Variants in DNMBP observed in about 807,000 individuals in gnomAD.
DNMBP encodes the protein dynamin-binding protein.
A neutral mutation model predicts 150.0 loss-of-function variants in DNMBP; 87 were observed. The observed-to-expected ratio is 0.58, with a 90% confidence interval of 0.49 to 0.69. The LOEUF is 0.69. DNMBP is among the 30% of genes least tolerant of loss of function. The pLI is 0.00. For missense variants in DNMBP, 1,774 were observed against 1,949.0 expected, an observed-to-expected ratio of 0.91 and a Z score of 1.69; for synonymous variants, 711 against 750.4, an observed-to-expected ratio of 0.95 and a Z score of 0.86.
At chr10:99,930,538 G>A in intron 4 of DNMBP, 1 of 702,924 alleles carries the variant, frequency 1.4e-6, no homozygotes, top group Non-Finnish European at 2.6e-6. Context: ...ATATAGCTTG[G>A]TTCACTCTGT....
rs768357209 is a variant in DNMBP, at chr10:99,913,954, T to C, written c.2261-4808A>G. ...TGGCTCCCACACCCCAGGACCTACC[T>C]GCAGTGCCCAGAGCTGGCTGTGTGT... On this transcript the variant is annotated intron_variant, in intron 4 of 16. Transcript: ENST00000324109. The C allele has an allele frequency of 1.2e-4, 162 of 1,391,984 alleles. 1 individual carries two copies. Among genetic ancestry groups the C allele is most frequent in the Non-Finnish European group, 1.5e-4 (156 of 1,064,666 alleles). 86.2% of individuals were successfully genotyped at this position (1,391,984 alleles called of 1,614,324 possible).
intron 4 of DNMBP, among the ~76,000 whole-genome samples, chr10:99,935,573 G>GTTGT (rs1349010325): frequency 6.6e-6 from 1 of 152,006 alleles, no homozygotes; most frequent in Non-Finnish European, 1.5e-5. Flanking sequence ...TTTTGTTGTT[G>GTTGT]TTGTTGTTGA....
At chr10:100,004,672 T>C (rs545983125) in intron 1 of DNMBP, among the ~76,000 whole-genome samples, 1 of 152,296 alleles carries the variant, frequency 6.6e-6, no homozygotes, top group East Asian at 1.9e-4. Flanking sequence ...GTCACAGACA[T>C]GACCTAGGGT....
chr10:99,904,987 G>A (rs549400434), intron 6 of DNMBP, among the ~76,000 whole-genome samples: 1 of 152,132 alleles, frequency 6.6e-6, no homozygotes, highest in East Asian at 1.9e-4. Context: ...AACGACAACA[G>A]GTAATAAACT....
intron 1 of DNMBP, among the ~76,000 whole-genome samples, chr10:99,985,466 C>T (rs2040819179): frequency 6.6e-6 from 1 of 152,056 alleles, no homozygotes. Flanking sequence ...CTCGCTCAGC[C>T]ACCCAGGGGA....
At chr10:99,997,165 A>G (rs1363187173) in intron 1 of DNMBP, among the ~76,000 whole-genome samples, 1 of 152,230 alleles carries the variant, frequency 6.6e-6, no homozygotes, top group Non-Finnish European at 1.5e-5. Context: ...TCTAAACTGT[A>G]AGACAATAAT....
chr10:99,944,453 A>G (rs1218920405), intron 4 of DNMBP, among the ~76,000 whole-genome samples: 1 of 152,196 alleles, frequency 6.6e-6, no homozygotes, highest in Non-Finnish European at 1.5e-5. Flanking sequence ...AAAGTCTGAG[A>G]ACTACCTCTT....
intron 8 of DNMBP, 38 bp from the exon 9 acceptor site, chr10:99,898,323 A>G (rs898441438): frequency 6.5e-6 from 10 of 1,541,812 alleles, no homozygotes; most frequent in Middle Eastern, 1.7e-4. Flanking sequence ...TAAGCTATCA[A>G]TAATATAGCG....
At chr10:99,998,579 C>CA (rs71009799) in intron 1 of DNMBP, among the ~76,000 whole-genome samples, 38,933 of 92,852 alleles carry the variant, frequency 0.42, 6,923 homozygotes, top group African/African-American at 0.45. Context: ...GACTCCGTCT[C>CA]AAAAAAAAAA....
At chr10:99,929,643 C>A (rs889767786) in intron 4 of DNMBP, 11 of 692,134 alleles carry the variant, frequency 1.6e-5, no homozygotes, top group Non-Finnish European at 2.6e-5. Flanking sequence ...GAACTCTGAG[C>A]GCCTCAGGGT....
intron 1 of DNMBP, among the ~76,000 whole-genome samples, chr10:100,006,559 T>C (rs2041073239): frequency 6.6e-6 from 1 of 152,272 alleles, no homozygotes; most frequent in African/African-American, 2.4e-5. Context: ...TAAGTCATCA[T>C]CAACTTCACT....
chr10:99,916,983 A>G (rs2039971188), intron 4 of DNMBP, among the ~76,000 whole-genome samples: 1 of 152,102 alleles, frequency 6.6e-6, no homozygotes, highest in African/African-American at 2.4e-5. Flanking sequence ...CCTTGGTGAC[A>G]GAGTGAGACT....
At position 100,009,649 on chromosome 10, in the gene DNMBP, C is replaced by T. The variant is rs539847797; in HGVS notation, c.-11+189G>A. 2.0e-5 allele frequency among the ~76,000 whole-genome samples: 3 copies of T among 152,014 alleles called. No individual in the cohort carries two copies. In the East Asian group the frequency reaches 5.9e-4, roughly 30 times the overall value. ...AGGGGGCCCGCTGCGCCCCACTGTC[C>T]CTCGCGGGCTCCTGGCCCACAGAGC... On this transcript the variant is annotated intron_variant, in intron 1 of 16. Coordinates refer to ENST00000324109, the MANE Select transcript of DNMBP (RefSeq NM_015221.4).
Position 99,955,825 on chromosome 10 carries a change from G to T in DNMBP, c.1649C>A (p.Ser550Ter). The change falls in exon 4 of 17, where the codon TCG becomes TAG. Residue 550 changes from serine (S) to a stop codon, truncating the protein, a stop_gained. Coordinates refer to ENST00000324109, the MANE Select transcript of DNMBP (RefSeq NM_015221.4). LOFTEE classifies it high-confidence loss of function. ...CTCGATCAGCTGTTGTGTCAGCTTC[G>T]AGTCCAGGTCAGTGCTGCCGTCTCC... The part of the protein sequence containing the change: ...SQGDGSTDLD[S>*]KLTQQLIEFE... 1 of 1,614,208 alleles carries T rather than the reference G, an allele frequency of 6.2e-7. No individual in the cohort carries two copies. The highest frequency in any genetic ancestry group is 8.5e-7 in the Non-Finnish European group (1 of 1,180,038).
chr10:99,985,188 A>T (rs919450893), intron 1 of DNMBP, among the ~76,000 whole-genome samples: 3 of 152,222 alleles, frequency 2.0e-5, no homozygotes, highest in African/African-American at 7.2e-5. Context: ...GATCATTAGC[A>T]GGGTAGGTGA....
In DNMBP at chr10:99,956,825, G is replaced by C. The variant is rs762264442; in HGVS notation, c.649C>G (p.Gln217Glu). The C allele has an allele frequency of 1.5e-5, 24 of 1,614,010 alleles. No homozygotes were observed. The highest frequency in any genetic ancestry group is 8.5e-7 in the Non-Finnish European group (1 of 1,180,024). Residue 217 changes from glutamine to glutamate, a missense_variant, in exon 4 of 17, where the codon CAA becomes GAA. Physicochemically the swap from Gln to Glu is conservative, Grantham distance 29. Transcript: ENST00000324109. ...TVDESVSSGN[Q>E]DDCIVNGEVD... is the part of the protein sequence containing the mutation. The stretch of plus-strand genomic sequence containing the variant: ...TCACCATTAACAATGCAGTCATCTT[G>C]ATTTCCAGAACTTACTGACTCATCC...
Position 99,900,002 on chromosome 10 carries a change from A to G in DNMBP, c.2619T>C (p.His873=). The change falls in exon 7 of 17, where the codon CAT becomes CAC. Residue 873 remains histidine, a synonymous_variant. Coordinates refer to ENST00000324109, the MANE Select transcript of DNMBP (RefSeq NM_015221.4). ...TTTCAAGCAGCGCAATGGCCTCATC[A>G]TGATTCTGGCAGTAAATCTTGTATG... ...EGTYKIYCQN[H]DEAIALLEIY... is the part of the protein sequence containing the mutation. 6.2e-7 allele frequency: 1 copy of G among 1,614,156 alleles called. No individual in the cohort carries two copies. Among genetic ancestry groups the G allele is most frequent in the South Asian group, 1.1e-5 (1 of 91,082 alleles).
intron 4 of DNMBP, among the ~76,000 whole-genome samples, chr10:99,948,589 C>CA: frequency 6.6e-6 from 1 of 152,234 alleles, no homozygotes; most frequent in Admixed American, 6.5e-5. Flanking sequence ...CATGTGACAT[C>CA]AAAAACAGTC....
intron 4 of DNMBP, among the ~76,000 whole-genome samples, chr10:99,942,507 G>A (rs919641216): frequency 6.6e-6 from 1 of 152,154 alleles, no homozygotes; most frequent in East Asian, 1.9e-4. Flanking sequence ...GCAACTAAGG[G>A]TCTCAGGCTA....
Sources: allele counts gnomAD v4.1 joint callset (sites outside exome capture counted in the v4.1 genomes callset), GRCh38; gene constraint gnomAD v4.1.1; transcripts MANE v1.5; gene names NCBI Gene and HGNC (gene_info 2026-07-23, HGNC 2026-07-21).